The following ITGAE variants were observed in gnomAD, a reference collection of about 807,000 sequenced individuals.
ITGAE encodes the protein integrin subunit alpha E, also known as integrin alpha-E.
A neutral mutation model predicts 136.5 loss-of-function variants in ITGAE; 99 were observed. That is an observed-to-expected ratio of 0.73 (90% confidence interval 0.62 to 0.86). The LOEUF is 0.86. ITGAE is among the 40% of genes least tolerant of loss of function. The pLI is 0.00. For synonymous variants in ITGAE, 613 were observed against 591.8 expected (o/e 1.04, Z -0.52); for missense variants, 1,447 against 1,515.3 (o/e 0.95, Z 0.75).
chr17:3,724,104 C>A, intron 26 of ITGAE: 1 of 1,594,548 alleles, frequency 6.3e-7, no homozygotes, highest in Non-Finnish European at 8.5e-7. Flanking sequence ...CATCGGCGAC[C>A]CCTCGCAGTC....
intron 19 of ITGAE, 85 bp from the exon 20 acceptor site, chr17:3,739,963 T>C (rs2051546458): frequency 2.7e-6 from 3 of 1,123,576 alleles, no homozygotes; most frequent in Non-Finnish European, 4.1e-6. Flanking sequence ...TATAGGAAGT[T>C]TTGGGCTGTG....
At chr17:3,777,476 GC>G in intron 2 of ITGAE, 63 bp downstream of exon 2, 1 of 1,541,890 alleles carries the variant, frequency 6.5e-7, no homozygotes. Flanking sequence ...CGTCTCTGGG[GC>G]CCATCTCAGA....
At chr17:3,778,326 G>A (rs1441984068) in intron 1 of ITGAE, among the ~76,000 whole-genome samples, 1 of 152,210 alleles carries the variant, frequency 6.6e-6, no homozygotes, top group African/African-American at 2.4e-5. Context: ...ACTTTGGGAG[G>A]CCGAGGCGGC....
chr17:3,730,900 T>G (rs2051326434), intron 23 of ITGAE, among the ~76,000 whole-genome samples: 1 of 152,196 alleles, frequency 6.6e-6, no homozygotes, highest in African/African-American at 2.4e-5. Context: ...ACTTTGTGTG[T>G]GAACAAAAGA....
rs1427347950 is a variant in ITGAE at position 3,727,970 on chromosome 17, G to T, written c.3033C>A (p.Thr1011=). ...CTACAACCTGGAGACCTCGTAATTT[G>T]GTTGGGACGCAAATTTGCAACTGGT... ...AEYQLQICVP[T]KLRGLQVVAV... is the part of the protein sequence containing the mutation. The change falls in exon 26 of 31, where the codon ACC becomes ACA. Residue 1011 remains threonine, a synonymous_variant. Coordinates refer to ENST00000263087, the MANE Select transcript of ITGAE (RefSeq NM_002208.5). 1.1e-5 allele frequency: 18 copies of T among 1,613,956 alleles called. No individual in the cohort carries two copies. The highest frequency in any genetic ancestry group is 1.6e-4 in the Middle Eastern group (1 of 6,084).
At chr17:3,729,348 T>C in intron 24 of ITGAE, 130 bp downstream of exon 24, 2 of 723,658 alleles carry the variant, frequency 2.8e-6, no homozygotes, top group Non-Finnish European at 5.1e-6. Context: ...GCCTGGGTTC[T>C]AAGCAGGCTC....
intron 3 of ITGAE, among the ~76,000 whole-genome samples, chr17:3,762,247 C>T (rs1052493423): frequency 1.3e-4 from 20 of 152,180 alleles, no homozygotes; most frequent in African/African-American, 1.4e-4. Context: ...GCCTTGTGAG[C>T]GTGGTGATGG....
intron 1 of ITGAE, among the ~76,000 whole-genome samples, chr17:3,781,023 A>G (rs768887771): frequency 1.3e-5 from 2 of 152,202 alleles, no homozygotes; most frequent in Non-Finnish European, 2.9e-5. Flanking sequence ...TTTTTAAATT[A>G]TGAGTGAGGT....
chr17:3,723,941 G>A, intron 26 of ITGAE, 197 bp from the exon 27 acceptor site: 1 of 1,552,100 alleles, frequency 6.4e-7, no homozygotes. Context: ...CGGCCATGGC[G>A]GCTTCGCTCC....
chr17:3,739,790 C>G lies in ITGAE; in HGVS notation c.2522+15G>C, dbSNP rs200933046. 2.5e-6 allele frequency: 4 copies of G among 1,611,634 alleles called. No individual in the cohort carries two copies. In the South Asian group the frequency reaches 4.4e-5, roughly 18 times the overall value. On this transcript the variant is annotated intron_variant, in intron 20 of 30. Coordinates refer to ENST00000263087, the MANE Select transcript of ITGAE (RefSeq NM_002208.5). ...GAAGGTTAATCGAGGAAACTGACGG[C>G]TATGTCCAACTCACTGAGAGACGGT...
At chr17:3,793,254 A>G (rs1183320224) in intron 1 of ITGAE, among the ~76,000 whole-genome samples, 1 of 152,066 alleles carries the variant, frequency 6.6e-6, no homozygotes, top group African/African-American at 2.4e-5. Context: ...GGGTTTCGCC[A>G]TATTGGCCAG....
At chr17:3,725,774 G>A in intron 26 of ITGAE, 1 of 1,601,424 alleles carries the variant, frequency 6.2e-7, no homozygotes, top group Middle Eastern at 1.7e-4. Context: ...TTGACTTAGA[G>A]CAAATGCGAA....
chr17:3,785,739 G>C (rs1320008367), intron 1 of ITGAE, among the ~76,000 whole-genome samples: 2 of 151,194 alleles, frequency 1.3e-5, no homozygotes, highest in African/African-American at 4.9e-5. Context: ...TAATGATGCT[G>C]AAGTTTTTTT....
rs139393911 is a variant in ITGAE, at chr17:3,752,116, C to T, written c.1669-242G>A. 8.7e-3 allele frequency among the ~76,000 whole-genome samples: 1,320 copies of T among 152,248 alleles called. 24 individuals are homozygous for T. The highest frequency in any genetic ancestry group is 0.03 in the African/African-American group (1,257 of 41,550). On this transcript the variant is annotated intron_variant, in intron 14 of 30. Coordinates refer to ENST00000263087, the MANE Select transcript of ITGAE (RefSeq NM_002208.5). Reference sequence around the variant, plus strand: ...TCGCTGGGCTGGTGGGTGCCCACTCCGTTGCCACCCAGGATGCACGCTCAC... The same window carrying T: ...TCGCTGGGCTGGTGGGTGCCCACTCTGTTGCCACCCAGGATGCACGCTCAC...
intron 14 of ITGAE, among the ~76,000 whole-genome samples, chr17:3,752,609 A>T (rs2051898727): frequency 6.6e-6 from 1 of 151,988 alleles, no homozygotes; most frequent in Non-Finnish European, 1.5e-5. Context: ...TACAAAAATT[A>T]GCCGGGTGTA....
intron 15 of ITGAE, 136 bp downstream of exon 15, chr17:3,751,514 C>A: frequency 1.3e-6 from 1 of 748,680 alleles, no homozygotes; most frequent in Non-Finnish European, 2.2e-6. Context: ...TGGGGGACTT[C>A]TTTCTTTCAC....
chr17:3,775,640 T>C (rs967681881), intron 2 of ITGAE, among the ~76,000 whole-genome samples: 1 of 151,702 alleles, frequency 6.6e-6, no homozygotes, highest in Non-Finnish European at 1.5e-5. Context: ...TTTTTTTTTT[T>C]GTATCTTTAG....
intron 2 of ITGAE, among the ~76,000 whole-genome samples, chr17:3,764,653 C>T (rs890308800): frequency 2.0e-5 from 3 of 152,072 alleles, no homozygotes; most frequent in East Asian, 1.9e-4. Context: ...GCGGAGATCA[C>T]GCCACTGCAC....
chr17:3,759,892 T>C (rs2052122809), intron 7 of ITGAE, among the ~76,000 whole-genome samples: 1 of 152,118 alleles, frequency 6.6e-6, no homozygotes, highest in African/African-American at 2.4e-5. Flanking sequence ...GATCTGGCCC[T>C]CTTAGAATGT....
Sources: gnomAD v4.1 joint callset for allele counts (sites outside exome capture counted in the v4.1 genomes callset) on GRCh38, gnomAD v4.1.1 for gene constraint, MANE v1.5 for transcripts, NCBI Gene and HGNC (gene_info 2026-07-23, HGNC 2026-07-21) for gene names.